The following WDPCP variants were observed in gnomAD, a reference collection of about 807,000 sequenced individuals.
WDPCP encodes WD repeat-containing and planar cell polarity effector protein fritz homolog.
Under a neutral mutation model 93.1 loss-of-function variants are expected in WDPCP, and 71 were observed. That is an observed-to-expected ratio of 0.76 (90% CI 0.63 to 0.93). The LOEUF (loss-of-function observed/expected upper bound fraction) is 0.93. Ranked by LOEUF, WDPCP falls within the 40% of genes least tolerant of loss-of-function variation. The pLI is 0.00. For missense variants in WDPCP, 844 were observed against 887.4 expected (o/e 0.95, Z 0.62); for synonymous variants, 315 against 315.0 (o/e 1.00, Z 0.00).
chr2:63,672,614 TTTTTA>T (rs1177159270), intron 2 of WDPCP, among the ~76,000 whole-genome samples: 5 of 151,946 alleles, frequency 3.3e-5, no homozygotes, highest in African/African-American at 1.2e-4. Context: ...ACTACTTTAT[TTTTTA>T]TTTTATTTCA....
intron 12 of WDPCP, among the ~76,000 whole-genome samples, chr2:63,342,293 G>T (rs1405704350): frequency 6.6e-6 from 1 of 152,078 alleles, no homozygotes; most frequent in Non-Finnish European, 1.5e-5. Context: ...CAGGTCCATG[G>T]CCTGGGGATT....
intron 3 of WDPCP, chr2:63,622,333 T>G: frequency 1.3e-6 from 2 of 1,598,004 alleles, no homozygotes; most frequent in Non-Finnish European, 1.7e-6. Flanking sequence ...TGCAGCTTAG[T>G]CAAGATATAT....
rs13395370 is a variant in WDPCP at position 63,254,836 on chromosome 2, T to C, written c.1915+4471A>G. ...TAGATATCAAAACTAGGCAGAGATA[T>C]TGAAGCAAAACCATGAGTCTGTAAG... On this transcript the variant is annotated intron_variant, in intron 14 of 17. Coordinates refer to ENST00000272321, the MANE Select transcript of WDPCP (RefSeq NM_015910.7). 4.5e-3 allele frequency among the ~76,000 whole-genome samples: 692 copies of C among 152,252 alleles called. 6 individuals carry two copies. Among genetic ancestry groups the C allele is most frequent in the African/African-American group, 0.016 (651 of 41,552 alleles).
intron 2 of WDPCP, among the ~76,000 whole-genome samples, chr2:63,656,313 C>T (rs916779589): frequency 2.0e-5 from 3 of 152,172 alleles, no homozygotes; most frequent in Non-Finnish European, 4.4e-5. Context: ...ACCTAGAGCC[C>T]TACAGTGGGT....
At chr2:63,341,210 C>T (rs928343727) in intron 12 of WDPCP, among the ~76,000 whole-genome samples, 5 of 152,144 alleles carry the variant, frequency 3.3e-5, no homozygotes, top group Non-Finnish European at 5.9e-5. Context: ...CATACTGCAA[C>T]CTCCGCCTCC....
At chr2:63,344,326 A>G (rs1252700921) in intron 12 of WDPCP, among the ~76,000 whole-genome samples, 8 of 152,174 alleles carry the variant, frequency 5.3e-5, no homozygotes, top group African/African-American at 1.7e-4. Flanking sequence ...ATCCTGAAGC[A>G]CAATAACAAA....
chr2:63,606,964 T>A (rs1709545032), intron 3 of WDPCP: 2 of 1,612,292 alleles, frequency 1.2e-6, no homozygotes, highest in Non-Finnish European at 1.7e-6. Flanking sequence ...AGAAAGTGCT[T>A]TTGAATTTCT....
intron 12 of WDPCP, among the ~76,000 whole-genome samples, chr2:63,362,277 T>TTGTGTGTGTGTGTGTGTGTG (rs140044354): frequency 7.4e-5 from 7 of 94,102 alleles, no homozygotes; most frequent in South Asian, 4.5e-4. Flanking sequence ...TTTTTTTTGG[T>TTGTGTGTGTGTGTGTGTGTG]TGTGTGTGTG....
intron 9 of WDPCP, among the ~76,000 whole-genome samples, chr2:63,432,644 AG>A (rs1449338079): frequency 6.6e-6 from 1 of 152,104 alleles, no homozygotes; most frequent in African/African-American, 2.4e-5. Flanking sequence ...AGGCAGGCCA[AG>A]GGCAATCAGG....
At chr2:63,292,132 C>CAAAAAAAAAAAAAAA (rs58370764) in intron 13 of WDPCP, among the ~76,000 whole-genome samples, 3 of 83,360 alleles carry the variant, frequency 3.6e-5, no homozygotes, top group Admixed American at 1.4e-4. Context: ...GACTCCGGCT[C>CAAAAAAAAAAAAAAA]AAAAAAAAAA....
At position 63,136,831 on chromosome 2, in the gene WDPCP, A is replaced by G. The variant is rs567500924; in HGVS notation, c.2191-14775T>C. On this transcript the variant is annotated intron_variant, in intron 17 of 17. Coordinates refer to ENST00000272321, the MANE Select transcript of WDPCP (RefSeq NM_015910.7). ...GCAAAATTTGATTTTCTGTTCCTGT[A>G]TTAGTTTGCTAAGGATATGGCTTCC... 3.9e-5 allele frequency among the ~76,000 whole-genome samples: 6 copies of G among 152,180 alleles called. No individual in the cohort carries two copies. The East Asian group carries it at 1.2e-3, about 29-fold the overall frequency.
chr2:63,490,894 A>G (rs1700837621), intron 2 of WDPCP, among the ~76,000 whole-genome samples: 1 of 152,208 alleles, frequency 6.6e-6, no homozygotes, highest in African/African-American at 2.4e-5. Flanking sequence ...ATGTCAAGTG[A>G]TTAAAAGGTT....
chr2:63,673,776 A>G (rs1710373392), intron 2 of WDPCP, among the ~76,000 whole-genome samples: 4 of 152,226 alleles, frequency 2.6e-5, no homozygotes, highest in Admixed American at 2.6e-4. Flanking sequence ...GTGTCTCAAC[A>G]AACTTGGTCC....
At chr2:63,206,845 C>A (rs1676379171) in intron 14 of WDPCP, among the ~76,000 whole-genome samples, 1 of 152,060 alleles carries the variant, frequency 6.6e-6, no homozygotes, top group Non-Finnish European at 1.5e-5. Flanking sequence ...TGGTAAAAAA[C>A]CCATAAAAAT....
chr2:63,200,045 TG>T (rs1202065258), intron 14 of WDPCP, among the ~76,000 whole-genome samples: 3 of 152,276 alleles, frequency 2.0e-5, no homozygotes, highest in East Asian at 3.9e-4. Context: ...ACTGCTCTGG[TG>T]GGTTTCAAAC....
rs570226481 is a variant in WDPCP at position 63,275,949 on chromosome 2, A to G, written c.1813-16540T>C. Among the ~76,000 whole-genome samples the G allele has an allele frequency of 6.6e-4, 33 of 50,192 alleles. No individual in the cohort carries two copies. The African/African-American group carries it at 6.7e-3, about 10-fold the overall frequency. 32.9% of individuals were successfully genotyped at this position (50,192 alleles called of 152,430 possible). ...CATACCAAGAAAGCTGAGAGAATCC[A>G]TAGACTCTTTGAAGGAACTTGATCA... On this transcript the variant is annotated intron_variant, in intron 13 of 17. Coordinates refer to ENST00000272321, the MANE Select transcript of WDPCP (RefSeq NM_015910.7).
At chr2:63,613,205 G>A (rs908517331) in intron 3 of WDPCP, among the ~76,000 whole-genome samples, 1 of 152,208 alleles carries the variant, frequency 6.6e-6, no homozygotes, top group African/African-American at 2.4e-5. Flanking sequence ...AAAATCCCAA[G>A]AACTTTTGTC....
At chr2:63,131,536 T>A (rs1017094501) in intron 17 of WDPCP, among the ~76,000 whole-genome samples, 2 of 152,202 alleles carry the variant, frequency 1.3e-5, no homozygotes, top group Non-Finnish European at 2.9e-5. Flanking sequence ...TAACTTAGAT[T>A]TATAGATTTT....
chr2:63,405,467 A>G (rs1694492356), intron 9 of WDPCP, among the ~76,000 whole-genome samples: 1 of 152,076 alleles, frequency 6.6e-6, no homozygotes, highest in Non-Finnish European at 1.5e-5. Flanking sequence ...AAATCTATGT[A>G]AACAGAGGAC....
Sources: gnomAD v4.1 joint callset for allele counts (sites outside exome capture counted in the v4.1 genomes callset) on GRCh38, gnomAD v4.1.1 for gene constraint, MANE v1.5 for transcripts, NCBI Gene and HGNC (gene_info 2026-07-23, HGNC 2026-07-21) for gene names.